Variants in PXDNL observed in about 807,000 individuals in gnomAD.
PXDNL encodes the protein probable oxidoreductase PXDNL.
PXDNL carries 145 observed loss-of-function variants against 150.8 expected under a neutral mutation model. That is an observed-to-expected ratio of 0.96 (90% CI 0.84 to 1.10). PXDNL has a LOEUF of 1.10. PXDNL is among the 50% of genes least tolerant of loss of function. The pLI is 0.00. For synonymous variants in PXDNL, 757 were observed against 725.7 expected (o/e 1.04, Z -0.69); for missense variants, 2,087 against 1,873.9 (o/e 1.11, Z -2.10).
At chr8:51,592,760 A>G in intron 2 of PXDNL, 62 bp from the exon 3 acceptor site, 1 of 1,244,156 alleles carries the variant, frequency 8.0e-7, no homozygotes, top group South Asian at 1.4e-5. Context: ...AAACATTAAA[A>G]TAGTTCTGCT....
At chr8:51,468,484 G>A (rs1291973736) in intron 8 of PXDNL, among the ~76,000 whole-genome samples, 1 of 146,098 alleles carries the variant, frequency 6.8e-6, no homozygotes, top group Non-Finnish European at 1.5e-5. Context: ...ACCTCTCAGT[G>A]TCATAATGTT....
intron 3 of PXDNL, among the ~76,000 whole-genome samples, chr8:51,565,726 C>T (rs1812814184): frequency 6.6e-6 from 1 of 151,672 alleles, no homozygotes; most frequent in South Asian, 2.1e-4. Flanking sequence ...TACTATCAGT[C>T]TATGTGCATC....
chr8:51,444,378 A>C (rs762322732), intron 12 of PXDNL, among the ~76,000 whole-genome samples: 3 of 152,340 alleles, frequency 2.0e-5, no homozygotes, highest in South Asian at 2.1e-4. Flanking sequence ...GCAACCACAG[A>C]ACACACTTTG....
At position 51,335,685 on chromosome 8, in the gene PXDNL, A is replaced by T. The variant is rs1015968997; in HGVS notation, c.4146+3939T>A. On this transcript the variant is annotated intron_variant, in intron 21 of 22. Transcript: ENST00000356297. ...TCTCATTGTTCATTATATACCCTAC[A>T]CACACACACACACACACACACACAC... Among the ~76,000 whole-genome samples the T allele has an allele frequency of 2.9e-5, 4 of 138,704 alleles. No individual in the cohort carries two copies. In the Admixed American group the frequency reaches 2.9e-4, roughly 10 times the overall value. 91.0% of individuals were successfully genotyped at this position (138,704 alleles called of 152,430 possible).
Position 51,345,880 on chromosome 8 carries a change from G to C in PXDNL, c.3969C>G (p.Tyr1323Ter). 6.2e-7 allele frequency: 1 copy of C among 1,613,598 alleles called. No individual in the cohort carries two copies. The highest frequency in any genetic ancestry group is 1.3e-5 in the African/African-American group (1 of 75,018). Reference protein sequence around the residue: ...QESQKKRSAQYSYPVDKDMEL... With the variant: ...QESQKKRSAQ Reference sequence around the variant, plus strand: ...CCATATCCTTATCAACAGGATAGCTGTATTGAGCTGAGCGTTTCTTTTGAG... The same window carrying C: ...CCATATCCTTATCAACAGGATAGCTCTATTGAGCTGAGCGTTTCTTTTGAG... Residue 1323 changes from tyrosine to a stop codon, truncating the protein, a stop_gained, in exon 20 of 23, where the codon TAC (tyrosine) becomes TAG (stop). Transcript: ENST00000356297. LOFTEE classifies it high-confidence loss of function.
At chr8:51,708,729 A>G (rs900906372) in intron 1 of PXDNL, among the ~76,000 whole-genome samples, 4 of 152,232 alleles carry the variant, frequency 2.6e-5, no homozygotes, top group Admixed American at 2.0e-4. Flanking sequence ...CAAAACGTTG[A>G]ACTGAGAGGA....
At chr8:51,402,411 C>T (rs565223010) in intron 17 of PXDNL, among the ~76,000 whole-genome samples, 3 of 151,978 alleles carry the variant, frequency 2.0e-5, no homozygotes, top group Non-Finnish European at 4.4e-5. Context: ...CCCAGCTACT[C>T]GGGAGGCTGA....
At chr8:51,586,834 T>C (rs1813335344) in intron 3 of PXDNL, among the ~76,000 whole-genome samples, 4 of 152,182 alleles carry the variant, frequency 2.6e-5, no homozygotes. Context: ...TGCTCAGAGC[T>C]GGGCTAGTAG....
chr8:51,370,366 C>T (rs553998302), intron 19 of PXDNL, among the ~76,000 whole-genome samples: 265 of 152,272 alleles, frequency 1.7e-3, no homozygotes, highest in African/African-American at 6.2e-3. Flanking sequence ...CTCAGCAGGC[C>T]CTATGTCCCA....
At chr8:51,745,895 G>A (rs754705596) in intron 1 of PXDNL, among the ~76,000 whole-genome samples, 2 of 151,796 alleles carry the variant, frequency 1.3e-5, no homozygotes, top group African/African-American at 4.8e-5. Context: ...TCAGCCTCCC[G>A]AGTAGCTGGG....
intron 4 of PXDNL, among the ~76,000 whole-genome samples, chr8:51,519,166 T>A (rs957896371): frequency 3.9e-5 from 6 of 152,102 alleles, no homozygotes; most frequent in Non-Finnish European, 7.4e-5. Flanking sequence ...GATAAAAAAT[T>A]AAAGTAAGAT....
intron 21 of PXDNL, among the ~76,000 whole-genome samples, chr8:51,329,003 C>G (rs1050624015): frequency 6.6e-6 from 1 of 152,190 alleles, no homozygotes; most frequent in Non-Finnish European, 1.5e-5. Flanking sequence ...CTCACTTAAT[C>G]AGGAAAAAGC....
intron 3 of PXDNL, among the ~76,000 whole-genome samples, chr8:51,565,317 AATAAATAGATAG>A (rs1812799808): frequency 1.8e-5 from 2 of 110,302 alleles, no homozygotes; most frequent in Admixed American, 8.6e-5. Context: ...TAAATAAATA[AATAAATAGATAG>A]ATAGATAGAT....
chr8:51,401,053 G>A (rs1184582123), intron 17 of PXDNL, among the ~76,000 whole-genome samples: 1 of 152,008 alleles, frequency 6.6e-6, no homozygotes, highest in Non-Finnish European at 1.5e-5. Flanking sequence ...TGAACTCTGG[G>A]GATTCAAAGA....
chr8:51,658,382 A>G (rs199987440), intron 1 of PXDNL, among the ~76,000 whole-genome samples: 8 of 41,492 alleles, frequency 1.9e-4, no homozygotes, highest in South Asian at 7.3e-4. Flanking sequence ...GGAAAAAAAA[A>G]GAAAAAAAAG....
rs76796667 is a variant in PXDNL, at chr8:51,376,172, T to A, written c.3558-1441A>T. ...GTATATCTTCAATGTTAAAAGACAA[T>A]GCCAAACTGCTATCCAAAATGGATG... On this transcript the variant is annotated intron_variant, in intron 17 of 22. Transcript: ENST00000356297. Among the ~76,000 whole-genome samples, 488 of 152,292 alleles carry A rather than the reference T, an allele frequency of 3.2e-3. 2 individuals are homozygous for A. The highest frequency in any genetic ancestry group is 5.3e-3 in the Non-Finnish European group (363 of 68,022).
chr8:51,706,319 G>A (rs367564717), intron 1 of PXDNL, among the ~76,000 whole-genome samples: 9 of 149,808 alleles, frequency 6.0e-5, no homozygotes, highest in East Asian at 1.9e-4. Flanking sequence ...GCGAAACTCC[G>A]TCTCAAAAAA....
intron 14 of PXDNL, among the ~76,000 whole-genome samples, chr8:51,419,469 C>T (rs1415837088): frequency 6.6e-6 from 1 of 152,112 alleles, no homozygotes; most frequent in Non-Finnish European, 1.5e-5. Context: ...AGTTCAGGTC[C>T]ATCTTTTTAA....
In PXDNL at chr8:51,741,478, T is replaced by C. The variant is rs2036906106; in HGVS notation, c.164+67703A>G. Among the ~76,000 whole-genome samples the C allele has an allele frequency of 2.0e-5, 3 of 152,150 alleles. No homozygotes were observed. The South Asian group carries it at 6.2e-4, about 32-fold the overall frequency. On this transcript the variant is annotated intron_variant, in intron 1 of 22. Coordinates refer to ENST00000356297, the MANE Select transcript of PXDNL (RefSeq NM_144651.5). ...TTAGTTTAAAGGACAGACAAGTTTA[T>C]TCTAAGTTTTACAAGGAAAGACACA...
Sources: gnomAD v4.1 joint callset for allele counts (sites outside exome capture counted in the v4.1 genomes callset) on GRCh38, gnomAD v4.1.1 for gene constraint, MANE v1.5 for transcripts, NCBI Gene and HGNC (gene_info 2026-07-23, HGNC 2026-07-21) for gene names.